The following OPCML variants were observed in gnomAD, a reference collection of about 807,000 sequenced individuals.
OPCML encodes the protein opioid binding protein/cell adhesion molecule like, also known as opioid-binding protein/cell adhesion molecule.
OPCML carries 13 observed loss-of-function variants against 37.8 expected under a neutral mutation model. That is an observed-to-expected ratio of 0.34 (90% CI 0.22 to 0.55). The LOEUF (loss-of-function observed/expected upper bound fraction) is 0.55, where lower values mean the gene tolerates loss of function less well. Among genes scored for constraint, OPCML ranks in the 20% least tolerant of loss-of-function variants. OPCML has a pLI of 0.91. For missense variants in OPCML, 341 were observed against 435.6 expected (o/e 0.78, Z 1.93); for synonymous variants, 176 against 168.8 (o/e 1.04, Z -0.33).
intron 2 of OPCML, among the ~76,000 whole-genome samples, chr11:132,692,050 T>C (rs1250302817): frequency 1.3e-5 from 2 of 152,180 alleles, no homozygotes; most frequent in Non-Finnish European, 2.9e-5. Context: ...TCAGCGTTAA[T>C]CTAACACAAT....
At chr11:132,533,464 G>A (rs575943713) in intron 3 of OPCML, among the ~76,000 whole-genome samples, 1 of 152,274 alleles carries the variant, frequency 6.6e-6, no homozygotes, top group South Asian at 2.1e-4. Context: ...CAGATAGACG[G>A]ATAGACAAAT....
At chr11:132,668,252 A>G (rs1018335529) in intron 2 of OPCML, among the ~76,000 whole-genome samples, 1 of 152,210 alleles carries the variant, frequency 6.6e-6, no homozygotes, top group African/African-American at 2.4e-5. Context: ...TGACAATATC[A>G]AGAATGATGA....
At chr11:132,714,849 C>T (rs1944408593) in intron 2 of OPCML, among the ~76,000 whole-genome samples, 1 of 152,092 alleles carries the variant, frequency 6.6e-6, no homozygotes, top group African/African-American at 2.4e-5. Context: ...TATTTTATTC[C>T]AGCTAGGATG....
intron 1 of OPCML, among the ~76,000 whole-genome samples, chr11:133,249,562 C>A (rs924147036): frequency 9.2e-5 from 14 of 152,122 alleles, no homozygotes; most frequent in African/African-American, 2.2e-4. Flanking sequence ...CCTCTCTGCT[C>A]CGGAGTGGGC....
chr11:133,304,419 C>T (rs970723937), intron 1 of OPCML, among the ~76,000 whole-genome samples: 1 of 152,208 alleles, frequency 6.6e-6, no homozygotes, highest in African/African-American at 2.4e-5. Flanking sequence ...AAGCACTTCA[C>T]AACGATTCCA....
rs551657950 is a variant in OPCML, at chr11:132,766,600, T to C, written c.147-109281A>G. ...AGGGTACTAACCCCATCATCAATTG[T>C]CCACCCTCATGACCTGATCACCTCC... On this transcript the variant is annotated intron_variant, in intron 2 of 7. Transcript: ENST00000524381. 3.3e-5 allele frequency among the ~76,000 whole-genome samples: 5 copies of C among 152,246 alleles called. No individual in the cohort carries two copies. In the East Asian group the frequency reaches 9.7e-4, roughly 29 times the overall value.
intron 1 of OPCML, among the ~76,000 whole-genome samples, chr11:133,026,809 TA>T (rs925683360): frequency 2.0e-4 from 31 of 151,892 alleles, no homozygotes; most frequent in Admixed American, 7.9e-4. Flanking sequence ...GCTTCATATT[TA>T]AAAAAAAATA....
intron 2 of OPCML, among the ~76,000 whole-genome samples, chr11:132,669,085 G>T (rs936265170): frequency 2.0e-5 from 3 of 151,988 alleles, no homozygotes; most frequent in Non-Finnish European, 2.9e-5. Flanking sequence ...ATACATAATT[G>T]GGAGATCAAT....
chr11:133,091,656 T>G (rs1948908232), intron 1 of OPCML, among the ~76,000 whole-genome samples: 1 of 152,198 alleles, frequency 6.6e-6, no homozygotes, highest in Admixed American at 6.5e-5. Flanking sequence ...TTCCCCCTAT[T>G]TCTTCCTTTT....
intron 1 of OPCML, among the ~76,000 whole-genome samples, chr11:133,016,209 G>C (rs1035457994): frequency 6.6e-6 from 1 of 151,872 alleles, no homozygotes; most frequent in Non-Finnish European, 1.5e-5. Context: ...GGCTCGGCTA[G>C]GTTCTCTGTT....
At chr11:132,519,486 C>G (rs1010947223) in intron 4 of OPCML, among the ~76,000 whole-genome samples, 1 of 151,896 alleles carries the variant, frequency 6.6e-6, no homozygotes, top group Non-Finnish European at 1.5e-5. Context: ...ATCAACTCAC[C>G]CAAAAGGAGC....
At chr11:133,156,896 C>T (rs1565477583) in intron 1 of OPCML, among the ~76,000 whole-genome samples, 1 of 152,078 alleles carries the variant, frequency 6.6e-6, no homozygotes. Context: ...TTCTCTCTTG[C>T]TGGAGCTGGA....
chr11:132,587,199 C>T (rs2096474800), intron 3 of OPCML, among the ~76,000 whole-genome samples: 1 of 152,230 alleles, frequency 6.6e-6, no homozygotes, highest in Admixed American at 6.5e-5. Flanking sequence ...ATAGAGGAAT[C>T]TCCACAAAGA....
intron 4 of OPCML, among the ~76,000 whole-genome samples, chr11:132,480,901 G>A (rs1392642941): frequency 6.6e-6 from 1 of 151,872 alleles, no homozygotes; most frequent in Non-Finnish European, 1.5e-5. Flanking sequence ...ACCGCTACCA[G>A]CCACTGCAAA....
chr11:133,009,762 G>A lies in OPCML; in HGVS notation c.62-66752C>T, dbSNP rs139443575. 1.5e-3 allele frequency among the ~76,000 whole-genome samples: 227 copies of A among 152,272 alleles called. 2 individuals are homozygous for A. Among genetic ancestry groups the A allele is most frequent in the South Asian group, 0.013 (63 of 4,818 alleles). On this transcript the variant is annotated intron_variant, in intron 1 of 7. Coordinates refer to ENST00000524381, the MANE Select transcript of OPCML (RefSeq NM_001012393.5). ...TGTGCTCCTATGAGAATCTAATGCC[G>A]CCTCTGATCTGACAGGAGATGGGGC...
chr11:132,493,730 T>C (rs1373316876), intron 4 of OPCML, among the ~76,000 whole-genome samples: 1 of 152,228 alleles, frequency 6.6e-6, no homozygotes, highest in East Asian at 1.9e-4. Context: ...CCGTTTTTAT[T>C]ACAATGTTTT....
At chr11:133,327,645 A>G (rs140107889) in intron 1 of OPCML, among the ~76,000 whole-genome samples, 59 of 152,280 alleles carry the variant, frequency 3.9e-4, no homozygotes, top group Non-Finnish European at 7.4e-4. Context: ...TTAAGGACCA[A>G]CATAGATACA....
At chr11:132,545,561 C>G (rs947845851) in intron 3 of OPCML, among the ~76,000 whole-genome samples, 7 of 152,126 alleles carry the variant, frequency 4.6e-5, no homozygotes, top group Non-Finnish European at 7.4e-5. Flanking sequence ...AAAATATATT[C>G]AGAAAAATTT....
intron 2 of OPCML, among the ~76,000 whole-genome samples, chr11:132,690,034 G>A (rs567308492): frequency 3.3e-5 from 5 of 152,178 alleles, no homozygotes; most frequent in Non-Finnish European, 7.3e-5. Context: ...TGACAGTACT[G>A]GATCACACTG....
Sources: gnomAD v4.1 joint callset for allele counts (sites outside exome capture counted in the v4.1 genomes callset) on GRCh38, gnomAD v4.1.1 for gene constraint, MANE v1.5 for transcripts, NCBI Gene and HGNC (gene_info 2026-07-23, HGNC 2026-07-21) for gene names.